The following TBC1D1 variants were observed in gnomAD, a reference collection of about 807,000 sequenced individuals.
The protein encoded by TBC1D1 is TBC1 domain family member 1, also known as TBC1 (tre-2/USP6, BUB2, cdc16) domain family, member 1.
A neutral mutation model predicts 125.6 loss-of-function variants in TBC1D1; 89 were observed. The ratio of observed to expected loss-of-function variants is 0.71; its 90% confidence interval spans 0.60 to 0.85. The LOEUF (loss-of-function observed/expected upper bound fraction) is 0.85, where lower values mean the gene tolerates loss of function less well. Among genes scored for constraint, TBC1D1 ranks in the 40% least tolerant of loss-of-function variants. TBC1D1 has a pLI of 0.00. For missense variants in TBC1D1, 1,377 were observed against 1,469.2 expected (o/e 0.94, Z 1.03); for synonymous variants, 565 against 564.1 (o/e 1.00, Z -0.02).
intron 14 of TBC1D1, among the ~76,000 whole-genome samples, chr4:38,096,667 C>A (rs539854740): frequency 4.1e-4 from 62 of 152,324 alleles, no homozygotes; most frequent in African/African-American, 1.3e-3. Flanking sequence ...TCAGTGAGAT[C>A]TGCCAGCCCA....
At chr4:37,923,152 T>A (rs1721377966) in intron 2 of TBC1D1, among the ~76,000 whole-genome samples, 1 of 152,222 alleles carries the variant, frequency 6.6e-6, no homozygotes, top group Non-Finnish European at 1.5e-5. Context: ...TTCCCCTCCC[T>A]GAGTCCATGT....
Position 38,095,996 on chromosome 4 carries a change from A to G in TBC1D1, c.2304A>G (p.Lys768=). The change falls in exon 14 of 20, where the codon AAA becomes AAG. Residue 768 remains lysine, a synonymous_variant. Transcript: ENST00000261439. The stretch of plus-strand genomic sequence containing the variant: ...ATGAAGAAATTACTCCCTGTCTTAA[A>G]GAAGTAACTACAGTGTGGGAAAAGA... 2.5e-6 allele frequency: 4 copies of G among 1,614,128 alleles called. No homozygotes were observed. Among genetic ancestry groups the G allele is most frequent in the Middle Eastern group, 1.6e-4 (1 of 6,062 alleles).
intron 1 of TBC1D1, among the ~76,000 whole-genome samples, chr4:37,892,417 TA>T (rs200334538): frequency 1.3e-5 from 2 of 150,874 alleles, no homozygotes; most frequent in East Asian, 1.9e-4. Context: ...TCCCATCTCT[TA>T]AAAAAAAAGA....
At chr4:38,088,728 C>T (rs1757949565) in intron 12 of TBC1D1, among the ~76,000 whole-genome samples, 1 of 152,104 alleles carries the variant, frequency 6.6e-6, no homozygotes. Flanking sequence ...TACCACCACT[C>T]TGAGGGGAGG....
chr4:38,118,339 G>C, intron 17 of TBC1D1, 147 bp downstream of exon 19: 1 of 967,800 alleles, frequency 1.0e-6, no homozygotes, highest in East Asian at 2.6e-5. Flanking sequence ...TTAGTCAGGG[G>C]TGGGTTTTGT....
At chr4:38,111,595 A>G (rs1302327109) in intron 15 of TBC1D1, among the ~76,000 whole-genome samples, 2 of 152,204 alleles carry the variant, frequency 1.3e-5, no homozygotes, top group Non-Finnish European at 2.9e-5. Context: ...AATCCGCTGA[A>G]TTTTATTTGC....
At chr4:38,028,538 T>C (rs186700992) in intron 7 of TBC1D1, among the ~76,000 whole-genome samples, 1 of 152,236 alleles carries the variant, frequency 6.6e-6, no homozygotes, top group Non-Finnish European at 1.5e-5. Context: ...GGGCCACATG[T>C]TGGACATGCT....
rs781297722 is a variant in TBC1D1 at position 37,902,391 on chromosome 4, AGC to A, written c.298_299del (p.Arg100CysfsTer10). 6.2e-7 allele frequency: 1 copy of A among 1,614,232 alleles called. No individual in the cohort carries two copies. Among genetic ancestry groups the A allele is most frequent in the Admixed American group, 1.7e-5 (1 of 60,036 alleles). ...TCCAGCATCTTTGAGTGCAAGCCTC[AGC>A]GTGTTCACAAACTGATTCACAACAG... On this transcript the variant is annotated frameshift_variant, in exon 2 of 20. Coordinates refer to ENST00000261439, the MANE Select transcript of TBC1D1 (RefSeq NM_015173.4). LOFTEE classifies it high-confidence loss of function.
Position 38,118,060 on chromosome 4 carries a change from C to G in TBC1D1, c.2830C>G (p.Leu944Val). 3.1e-6 allele frequency: 5 copies of G among 1,614,210 alleles called. No homozygotes were observed. Among genetic ancestry groups the G allele is most frequent in the Non-Finnish European group, 4.2e-6 (5 of 1,180,034 alleles). The change falls in exon 17 of 20, where the codon CTT becomes GTT. Residue 944 changes from leucine (L) to valine (V), a missense_variant. By Grantham distance (32) the Leu-to-Val change is conservative. Transcript: ENST00000261439. ...CCAGATGTACCAGCTCTCGAGGTTG[C>G]TTCATGATTACCACAGAGACCTCTA...
chr4:38,054,313 G>A lies in TBC1D1; in HGVS notation c.2025G>A (p.Ala675=), dbSNP rs369081896. The A allele has an allele frequency of 2.1e-4, 337 of 1,614,152 alleles. No individual in the cohort carries two copies. Among genetic ancestry groups the A allele is most frequent in the Admixed American group, 9.2e-4 (55 of 60,024 alleles). The change falls in exon 12 of 20, where the codon GCG becomes GCA. Residue 675 remains alanine, a synonymous_variant. Coordinates refer to ENST00000261439, the MANE Select transcript of TBC1D1 (RefSeq NM_015173.4). Reference sequence around the variant, plus strand: ...TCCGAGTAGCCACCCCGCAGAAGGCGTGCGATTCTTCCAGCAGATATGAAG... The same window carrying A: ...TCCGAGTAGCCACCCCGCAGAAGGCATGCGATTCTTCCAGCAGATATGAAG...
chr4:38,114,986 A>G (rs1762738460), intron 15 of TBC1D1, among the ~76,000 whole-genome samples: 1 of 152,118 alleles, frequency 6.6e-6, no homozygotes, highest in Middle Eastern at 3.4e-3. Context: ...AGCTGCATTT[A>G]GATGATGCTG....
chr4:38,031,957 A>G (rs111598192), intron 7 of TBC1D1, among the ~76,000 whole-genome samples: 6 of 152,384 alleles, frequency 3.9e-5, no homozygotes, highest in African/African-American at 1.4e-4. Context: ...AAACAAATCA[A>G]TGATGTATAA....
chr4:38,052,348 T>C (rs1388680061), intron 11 of TBC1D1, among the ~76,000 whole-genome samples: 1 of 151,648 alleles, frequency 6.6e-6, no homozygotes, highest in African/African-American at 2.4e-5. Flanking sequence ...TTTTTTTTTT[T>C]TGAGACAGGG....
At chr4:37,996,935 G>C (rs945666683) in intron 2 of TBC1D1, among the ~76,000 whole-genome samples, 4 of 152,206 alleles carry the variant, frequency 2.6e-5, no homozygotes, top group African/African-American at 9.7e-5. Context: ...TCTGTGAGGG[G>C]GAGAACAGGG....
intron 18 of TBC1D1, among the ~76,000 whole-genome samples, chr4:38,129,620 G>A (rs1995962): frequency 2.4e-4 from 37 of 152,280 alleles, no homozygotes; most frequent in Non-Finnish European, 3.2e-4. Flanking sequence ...GCTCTGTGGC[G>A]AGTTCTGCAA....
chr4:37,952,441 T>C (rs1488379053), intron 2 of TBC1D1: 2 of 201,618 alleles, frequency 9.9e-6, no homozygotes, highest in South Asian at 1.8e-4. Context: ...TGGAATACTA[T>C]GCAGCCATAA....
At chr4:38,079,767 A>G (rs1756237402) in intron 12 of TBC1D1, among the ~76,000 whole-genome samples, 1 of 152,158 alleles carries the variant, frequency 6.6e-6, no homozygotes, top group East Asian at 1.9e-4. Flanking sequence ...TTAAAACTCT[A>G]TTTAATGGTC....
intron 7 of TBC1D1, among the ~76,000 whole-genome samples, chr4:38,032,349 C>T (rs575635937): frequency 1.3e-5 from 2 of 152,096 alleles, no homozygotes; most frequent in East Asian, 3.9e-4. Context: ...GGGGCATTTC[C>T]ATTGCCTCAT....
intron 2 of TBC1D1, among the ~76,000 whole-genome samples, chr4:37,908,627 C>T (rs1483167921): frequency 2.0e-5 from 3 of 152,172 alleles, no homozygotes; most frequent in Admixed American, 1.3e-4. Context: ...ACTCTGAACG[C>T]GGCGTGGGTG....
Sources: gnomAD v4.1 joint callset for allele counts (sites outside exome capture counted in the v4.1 genomes callset) on GRCh38, gnomAD v4.1.1 for gene constraint, MANE v1.5 for transcripts, NCBI Gene and HGNC (gene_info 2026-07-23, HGNC 2026-07-21) for gene names.